Variants in COL24A1 observed in about 807,000 individuals in gnomAD.
COL24A1 encodes the protein collagen type XXIV alpha 1 chain.
In COL24A1, 224 loss-of-function variants were observed where a neutral mutation model predicts 253.9. The ratio of observed to expected loss-of-function variants is 0.88; its 90% CI spans 0.79 to 0.99. The LOEUF is 0.99. Ranked by LOEUF, COL24A1 falls within the 50% of genes least tolerant of loss-of-function variation. The pLI, the probability that COL24A1 is intolerant of heterozygous loss-of-function variation, is 0.00. For missense variants in COL24A1, 2,131 were observed against 2,068.5 expected (o/e 1.03, Z -0.59); for synonymous variants, 685 against 673.7 (o/e 1.02, Z -0.26).
intron 57 of COL24A1, among the ~76,000 whole-genome samples, chr1:85,739,996 T>C (rs1428452346): frequency 6.6e-6 from 1 of 152,208 alleles, no homozygotes; most frequent in Non-Finnish European, 1.5e-5. Context: ...TTGCCCCTAA[T>C]GATCATATGT....
At chr1:85,809,549 G>A (rs145325474) in intron 47 of COL24A1, among the ~76,000 whole-genome samples, 2 of 151,914 alleles carry the variant, frequency 1.3e-5, no homozygotes, top group African/African-American at 4.8e-5. Flanking sequence ...TAATAGTTTG[G>A]GGGCACATCA....
intron 19 of COL24A1, among the ~76,000 whole-genome samples, chr1:85,989,103 T>C (rs1693991835): frequency 6.6e-6 from 1 of 152,090 alleles, no homozygotes; most frequent in African/African-American, 2.4e-5. Context: ...GAACACACCT[T>C]TTGTTAGTAT....
chr1:86,147,912 T>C (rs904416744), intron 1 of COL24A1, among the ~76,000 whole-genome samples: 1 of 152,234 alleles, frequency 6.6e-6, no homozygotes, highest in Non-Finnish European at 1.5e-5. Context: ...TTTCAAACTT[T>C]AGTGTGATCA....
chr1:85,943,607 C>A (rs1027236293), intron 24 of COL24A1, among the ~76,000 whole-genome samples: 11 of 152,218 alleles, frequency 7.2e-5, no homozygotes, highest in Admixed American at 2.0e-4. Context: ...ACTACTGATA[C>A]TGTGAAAGCA....
intron 32 of COL24A1, among the ~76,000 whole-genome samples, chr1:85,878,505 C>A (rs1279902882): frequency 6.6e-6 from 1 of 152,142 alleles, no homozygotes; most frequent in Non-Finnish European, 1.5e-5. Flanking sequence ...TTGGTTGCTT[C>A]AAATTTTTTG....
At chr1:86,085,066 G>A (rs1702960505) in intron 7 of COL24A1, among the ~76,000 whole-genome samples, 3 of 152,144 alleles carry the variant, frequency 2.0e-5, no homozygotes, top group Admixed American at 1.3e-4. Flanking sequence ...TTCAGGCACT[G>A]ATTTTTATGC....
chr1:86,066,134 C>G (rs1490562928), intron 7 of COL24A1, among the ~76,000 whole-genome samples: 1 of 151,518 alleles, frequency 6.6e-6, no homozygotes, highest in African/African-American at 2.4e-5. Flanking sequence ...AGTCATATTA[C>G]AGTACCTAGT....
rs942964087 is a variant in COL24A1 at position 85,755,361 on chromosome 1, A to G, written c.4437+6035T>C. On this transcript the variant is annotated intron_variant, in intron 55 of 59. Coordinates refer to ENST00000370571, the MANE Select transcript of COL24A1 (RefSeq NM_152890.7). ...AAACTTGAATCCACCTGAAGAAATA[A>G]AGAGCAGTAGTAGAAGTTACAATAT... is the stretch of plus-strand genomic sequence containing the variant. Among the ~76,000 whole-genome samples, 11 of 152,208 alleles carry G rather than the reference A, an allele frequency of 7.2e-5. 1 individual carries two copies. Among genetic ancestry groups the G allele is most frequent in the Admixed American group, 5.9e-4 (9 of 15,274 alleles).
chr1:85,981,495 T>A (rs1693254677), intron 20 of COL24A1, among the ~76,000 whole-genome samples: 1 of 152,092 alleles, frequency 6.6e-6, no homozygotes, highest in African/African-American at 2.4e-5. Flanking sequence ...AAAAATCACC[T>A]TAAGATGGAT....
At chr1:85,798,282 A>G (rs1671036358) in intron 47 of COL24A1, among the ~76,000 whole-genome samples, 1 of 151,698 alleles carries the variant, frequency 6.6e-6, no homozygotes. Context: ...TTTAGCAGAT[A>G]TTTCGTTTTG....
intron 31 of COL24A1, among the ~76,000 whole-genome samples, chr1:85,891,069 G>A (rs77397717): frequency 7.7e-6 from 1 of 130,312 alleles, no homozygotes; most frequent in East Asian, 2.2e-4. Context: ...TTTTTTTTTT[G>A]AGACGGAGTC....
intron 51 of COL24A1, among the ~76,000 whole-genome samples, chr1:85,782,662 T>C (rs1669256378): frequency 6.6e-6 from 1 of 152,248 alleles, no homozygotes; most frequent in Admixed American, 6.5e-5. Flanking sequence ...TATAGGATTT[T>C]AGAAGTTTGA....
At position 86,125,900 on chromosome 1, in the gene COL24A1, T is replaced by A; in HGVS notation, c.436A>T (p.Ile146Phe). 6.2e-7 allele frequency: 1 copy of A among 1,613,308 alleles called. No individual in the cohort carries two copies. Among genetic ancestry groups the A allele is most frequent in the African/African-American group, 1.3e-5 (1 of 74,980 alleles). Residue 146 changes from isoleucine to phenylalanine, a missense_variant, in exon 3 of 60, where the codon ATT becomes TTT. Coordinates refer to ENST00000370571, the MANE Select transcript of COL24A1 (RefSeq NM_152890.7). ...QLLPKKLVVH[I>F]RGKQPAVFNY... is the part of the protein sequence containing the mutation. ...AAAACTGCAGGCTGCTTTCCTCTAA[T>A]GTGTACTACTAATTTTTTAGGTAGT...
chr1:85,892,114 C>T (rs1245368502), intron 31 of COL24A1, among the ~76,000 whole-genome samples: 1 of 151,750 alleles, frequency 6.6e-6, no homozygotes, highest in Non-Finnish European at 1.5e-5. Flanking sequence ...AAACTGAAGC[C>T]CAGAGAAGTT....
Position 85,783,539 on chromosome 1 carries a change from C to T in COL24A1, c.4241G>A (p.Gly1414Asp). Residue 1414 changes from glycine (G) to aspartate (D), a missense_variant, in exon 51 of 60, where the codon GGC (glycine) becomes GAC (aspartate). Coordinates refer to ENST00000370571, the MANE Select transcript of COL24A1 (RefSeq NM_152890.7). ...TTTAGGACCTGATATCCCAACAATG[C>T]CAGCATCCCCTTCAGGACCCTAGAC... ...PGPKGPEGDA[G>D]IVGISGPKGP... is the part of the protein sequence containing the mutation. 1 of 1,613,284 alleles carries T rather than the reference C, an allele frequency of 6.2e-7. No homozygotes were observed. The highest frequency in any genetic ancestry group is 1.1e-5 in the South Asian group (1 of 91,052).
intron 27 of COL24A1, among the ~76,000 whole-genome samples, chr1:85,907,883 AAATTT>A (rs1684992383): frequency 6.6e-6 from 1 of 151,808 alleles, no homozygotes; most frequent in South Asian, 2.1e-4. Context: ...TTAGTATTTC[AAATTT>A]ATTTATTATT....
chr1:85,925,354 C>T (rs548429903), intron 24 of COL24A1, among the ~76,000 whole-genome samples: 3 of 152,218 alleles, frequency 2.0e-5, no homozygotes, highest in East Asian at 1.9e-4. Flanking sequence ...AAAAAGAGCC[C>T]GCATTGCCAA....
At chr1:85,939,299 T>C (rs1373282671) in intron 24 of COL24A1, among the ~76,000 whole-genome samples, 1 of 152,212 alleles carries the variant, frequency 6.6e-6, no homozygotes, top group Non-Finnish European at 1.5e-5. Context: ...TTATGCTTGA[T>C]GGACACAACA....
chr1:86,105,821 T>TCA (rs1704930454), intron 5 of COL24A1, among the ~76,000 whole-genome samples: 1 of 152,164 alleles, frequency 6.6e-6, no homozygotes, highest in African/African-American at 2.4e-5. Context: ...AGCAGGTTGC[T>TCA]CCTTGCCAGT....
Sources: gnomAD v4.1 joint callset for allele counts (sites outside exome capture counted in the v4.1 genomes callset) on GRCh38, gnomAD v4.1.1 for gene constraint, MANE v1.5 for transcripts, NCBI Gene and HGNC (gene_info 2026-07-23, HGNC 2026-07-21) for gene names.